The following ADAMTS19 variants were observed in gnomAD, a reference collection of about 807,000 sequenced individuals.
ADAMTS19 encodes the protein ADAM metallopeptidase with thrombospondin type 1 motif 19.
A neutral mutation model predicts 153.3 loss-of-function variants in ADAMTS19; 93 were observed. That is an observed-to-expected ratio of 0.61 (90% CI 0.51 to 0.72). The LOEUF is 0.72. Ranked by LOEUF, ADAMTS19 falls within the 30% of genes least tolerant of loss-of-function variation. The probability of loss-of-function intolerance (pLI) is 0.00; values close to 1 mark genes in which losing one functional copy is unlikely to be tolerated. For missense variants in ADAMTS19, 1,482 were observed against 1,552.1 expected (o/e 0.95, Z 0.76); for synonymous variants, 600 against 556.6 (o/e 1.08, Z -1.10).
At chr5:129,464,829 GT>G (rs1749799550) in intron 2 of ADAMTS19, among the ~76,000 whole-genome samples, 1 of 152,022 alleles carries the variant, frequency 6.6e-6, no homozygotes, top group Non-Finnish European at 1.5e-5. Context: ...ATTTTTGTTT[GT>G]TCTGATTAGT....
chr5:129,658,586 T>A (rs764359636), intron 14 of ADAMTS19, 31 bp from the exon 15 acceptor site: 1 of 1,606,490 alleles, frequency 6.2e-7, no homozygotes, highest in East Asian at 2.2e-5. Context: ...AATACTGCTA[T>A]TTATGATGTG....
At chr5:129,655,282 T>A (rs1025562511) in intron 14 of ADAMTS19, among the ~76,000 whole-genome samples, 9 of 152,106 alleles carry the variant, frequency 5.9e-5, no homozygotes, top group African/African-American at 1.9e-4. Context: ...GGTGAGAAAA[T>A]CAGGCCATTT....
intron 7 of ADAMTS19, among the ~76,000 whole-genome samples, chr5:129,566,833 G>A (rs1263166213): frequency 6.6e-6 from 1 of 152,088 alleles, no homozygotes; most frequent in Non-Finnish European, 1.5e-5. Context: ...CTTCCTCTCT[G>A]ATCTGAACAG....
chr5:129,505,275 C>T (rs923396189), intron 2 of ADAMTS19, among the ~76,000 whole-genome samples: 1 of 152,002 alleles, frequency 6.6e-6, no homozygotes, highest in Non-Finnish European at 1.5e-5. Flanking sequence ...TGTAGTAGTA[C>T]TTTGGTTATG....
intron 20 of ADAMTS19, among the ~76,000 whole-genome samples, chr5:129,703,018 C>G (rs1295529150): frequency 6.9e-6 from 1 of 144,930 alleles, no homozygotes; most frequent in Non-Finnish European, 1.5e-5. Context: ...ACATAGTCCA[C>G]TTTAAAACTG....
intron 8 of ADAMTS19, among the ~76,000 whole-genome samples, chr5:129,606,727 A>G (rs972524414): frequency 1.3e-5 from 2 of 152,170 alleles, no homozygotes; most frequent in African/African-American, 4.8e-5. Flanking sequence ...TATTTTATGA[A>G]TGCAAATGAA....
At chr5:129,619,654 T>G (rs903611998) in intron 8 of ADAMTS19, among the ~76,000 whole-genome samples, 4 of 151,852 alleles carry the variant, frequency 2.6e-5, no homozygotes, top group Admixed American at 2.0e-4. Flanking sequence ...GAAGGGAGAA[T>G]GTTGGTAAAG....
At chr5:129,651,953 TTAA>T (rs1610983) in intron 13 of ADAMTS19, among the ~76,000 whole-genome samples, 18,727 of 152,076 alleles carry the variant, frequency 0.12, 1,358 homozygotes, top group East Asian at 0.3. Flanking sequence ...GCTGTGACAG[TTAA>T]TAATGTCAAG....
intron 3 of ADAMTS19, among the ~76,000 whole-genome samples, chr5:129,522,316 TACACACACACACACAC>T (rs1186259435): frequency 2.2e-5 from 2 of 91,956 alleles, no homozygotes; most frequent in Admixed American, 1.2e-4. Flanking sequence ...TATATATATA[TACACACACACACACAC>T]ATATATATAT....
intron 6 of ADAMTS19, among the ~76,000 whole-genome samples, chr5:129,539,302 CAG>C (rs761877671): frequency 6.6e-6 from 1 of 151,932 alleles, no homozygotes; most frequent in Non-Finnish European, 1.5e-5. Flanking sequence ...AGTTCAAAGT[CAG>C]AGAAGGACTG....
chr5:129,554,659 C>T (rs1753251697), intron 7 of ADAMTS19, among the ~76,000 whole-genome samples: 1 of 152,066 alleles, frequency 6.6e-6, no homozygotes, highest in East Asian at 1.9e-4. Flanking sequence ...AACCCTGGAG[C>T]CCAGTCTAAT....
chr5:129,485,900 C>T (rs1750574507), intron 2 of ADAMTS19, among the ~76,000 whole-genome samples: 1 of 152,142 alleles, frequency 6.6e-6, no homozygotes, highest in South Asian at 2.1e-4. Context: ...AAGTGATTCT[C>T]CTGCCTCTGC....
At chr5:129,596,856 T>A (rs1750404378) in intron 8 of ADAMTS19, among the ~76,000 whole-genome samples, 192 bp downstream of exon 8, 1 of 152,186 alleles carries the variant, frequency 6.6e-6, no homozygotes, top group Non-Finnish European at 1.5e-5. Flanking sequence ...CCTGCTTCTT[T>A]GAATAAAATC....
chr5:129,684,237 A>G lies in ADAMTS19; in HGVS notation c.2782A>G (p.Thr928Ala). 1.2e-6 allele frequency: 2 copies of G among 1,614,192 alleles called. No individual in the cohort carries two copies. Among genetic ancestry groups the G allele is most frequent in the Non-Finnish European group, 1.7e-6 (2 of 1,180,030 alleles). ...APEPLFMWTH[T>A]SWEDCDATCG... ...TGAGCCCCTCTTCATGTGGACACACACAAGCTGGGAAGATTGCGATGCCAC... is the reference window on the plus strand; with the variant it reads ...TGAGCCCCTCTTCATGTGGACACACGCAAGCTGGGAAGATTGCGATGCCAC... Residue 928 changes from threonine to alanine, a missense_variant, in exon 18 of 23, where the codon ACA becomes GCA. This residue lies in a region of ADAMTS19 where 616 missense variants were observed against 724.4 expected (regional missense o/e 0.85). Coordinates refer to ENST00000274487, the MANE Select transcript of ADAMTS19 (RefSeq NM_133638.6).
At chr5:129,486,406 C>T (rs1750593188) in intron 2 of ADAMTS19, among the ~76,000 whole-genome samples, 1 of 152,082 alleles carries the variant, frequency 6.6e-6, no homozygotes. Flanking sequence ...AAGAGTTTAT[C>T]CTAACACTGC....
intron 16 of ADAMTS19, among the ~76,000 whole-genome samples, chr5:129,679,333 T>C (rs1007571764): frequency 6.6e-6 from 1 of 152,222 alleles, no homozygotes; most frequent in African/African-American, 2.4e-5. Flanking sequence ...GATCCTTCTT[T>C]AATCACATAC....
At chr5:129,465,598 A>G (rs1252705981) in intron 2 of ADAMTS19, among the ~76,000 whole-genome samples, 3 of 152,086 alleles carry the variant, frequency 2.0e-5, no homozygotes, top group Admixed American at 2.0e-4. Flanking sequence ...TATTCTGTGG[A>G]AAGTTTTAAA....
rs1189567770 is a variant in ADAMTS19, at chr5:129,461,485, C to T, written c.475C>T (p.Pro159Ser). 24 of 1,489,228 alleles carry T rather than the reference C, an allele frequency of 1.6e-5. No individual in the cohort carries two copies. Among genetic ancestry groups the T allele is most frequent in the South Asian group, 1.0e-4 (8 of 78,494 alleles). The allele number at this position is 1,489,228 out of a possible 1,614,324, so 92.3% of individuals were successfully genotyped here. A position where few individuals can be genotyped will look rare whatever the true frequency, so the allele number is the denominator to read the frequency against. Residue 159 changes from proline to serine, a missense_variant, in exon 2 of 23, where the codon CCC (proline) becomes TCC (serine). Physicochemically the swap from Pro to Ser is moderately conservative, Grantham distance 74. This residue lies in a region of ADAMTS19 where 866 missense variants were observed against 827.7 expected (regional missense o/e 1.05). Transcript: ENST00000274487. This position sits in a 1 kb window ranked among gnomAD's most constrained non-coding sequence, Gnocchi z 4.6. ...PPPPQPPPSPPPAQHAEPDGD... is the reference protein window; with the variant it reads ...PPPPQPPPSPSPAQHAEPDGD... ...TCCCCCGCAGCCGCCCCCGTCCCCG[C>T]CCCCGGCCCAGCATGCCGAGCCGGA...
rs577087218 is a variant in ADAMTS19 at position 129,663,817 on chromosome 5, G to T, written c.2426-1682G>T. Among the ~76,000 whole-genome samples the T allele has an allele frequency of 1.9e-4, 29 of 152,264 alleles. No individual in the cohort carries two copies. In the South Asian group the frequency reaches 6.0e-3, roughly 32 times the overall value. On this transcript the variant is annotated intron_variant, in intron 15 of 22. Transcript: ENST00000274487. The stretch of plus-strand genomic sequence containing the variant: ...TTGATAAATTCATTCTCCTGGGCAT[G>T]CATTTAAACTCTCTTTAATAGAGCC...
Sources: gnomAD v4.1 joint callset for allele counts (sites outside exome capture counted in the v4.1 genomes callset) on GRCh38, gnomAD v4.1.1 for gene constraint, gnomAD v4.1.1 regional missense constraint, Gnocchi (gnomAD v3.1) non-coding constraint, MANE v1.5 for transcripts, NCBI Gene and HGNC (gene_info 2026-07-23, HGNC 2026-07-21) for gene names.